The following GCNT2 variants were observed in gnomAD, a reference collection of about 807,000 sequenced individuals.
The protein encoded by GCNT2 is glucosaminyl (N-acetyl) transferase 2 (I blood group).
A neutral mutation model predicts 34.2 loss-of-function variants in GCNT2; 34 were observed. The observed-to-expected ratio is 1.00, with a 90% CI of 0.76 to 1.32. GCNT2 has a LOEUF of 1.32. Among genes scored for constraint, GCNT2 ranks in the 40% most tolerant of loss-of-function variants. GCNT2 has a pLI of 0.00. For missense variants in GCNT2, 584 were observed against 489.4 expected, an observed-to-expected ratio of 1.19 and a Z score of -1.82; for synonymous variants, 212 against 188.0, an observed-to-expected ratio of 1.13 and a Z score of -1.04.
intron 3 of GCNT2, among the ~76,000 whole-genome samples, chr6:10,555,493 G>A (rs898360335): frequency 2.6e-4 from 40 of 152,190 alleles, no homozygotes; most frequent in African/African-American, 8.0e-4. Context: ...CAAATCCCCT[G>A]TCTGAGCATC....
At chr6:10,592,572 T>C (rs1290638532) in intron 3 of GCNT2, among the ~76,000 whole-genome samples, 1 of 152,198 alleles carries the variant, frequency 6.6e-6, no homozygotes, top group Non-Finnish European at 1.5e-5. Flanking sequence ...TAGCCATTTG[T>C]AGAATCATTT....
intron 3 of GCNT2, among the ~76,000 whole-genome samples, chr6:10,572,576 CA>C (rs1027552228): frequency 6.6e-6 from 1 of 151,530 alleles, no homozygotes; most frequent in Non-Finnish European, 1.5e-5. Flanking sequence ...ACTAAAAATA[CA>C]AAAAAAATTA....
intron 3 of GCNT2, among the ~76,000 whole-genome samples, chr6:10,600,489 G>A (rs959076617): frequency 6.6e-6 from 1 of 152,030 alleles, no homozygotes; most frequent in Non-Finnish European, 1.5e-5. Context: ...ATCCACTACC[G>A]CCATCAAGAA....
chr6:10,571,663 AATT>A (rs768448068), intron 3 of GCNT2, among the ~76,000 whole-genome samples: 4 of 152,066 alleles, frequency 2.6e-5, no homozygotes, highest in Non-Finnish European at 4.4e-5. Flanking sequence ...CTATAGTAGA[AATT>A]ATTATCTCTT....
In GCNT2 at chr6:10,529,555, T is replaced by C. The variant is rs564014638; in HGVS notation, c.644T>C (p.Ile215Thr). The C allele has an allele frequency of 2.3e-5, 37 of 1,613,990 alleles. 1 individual carries two copies. Among genetic ancestry groups the C allele is most frequent in the Non-Finnish European group, 3.1e-5 (37 of 1,180,008 alleles). Residue 215 changes from isoleucine (I) to threonine (T), a missense_variant, in exon 3 of 5, where the codon ATC becomes ACC. By Grantham distance (89) the Ile-to-Thr change is moderately conservative (BLOSUM62 -1). Coordinates refer to ENST00000495262, the MANE Select transcript of GCNT2 (RefSeq NM_145649.5). ...CTGAAGGGATTTAAAGGGAAAAATATCACCCCCGGAGTGCTGCCTCCTGAC... is the reference window on the plus strand; with the variant it reads ...CTGAAGGGATTTAAAGGGAAAAATACCACCCCCGGAGTGCTGCCTCCTGAC... ...QYLKGFKGKN[I>T]TPGVLPPDHA...
chr6:10,540,195 C>T (rs1169755830), intron 3 of GCNT2, among the ~76,000 whole-genome samples: 1 of 152,000 alleles, frequency 6.6e-6, no homozygotes, highest in African/African-American at 2.4e-5. Flanking sequence ...GAAGAGGTTC[C>T]CTAGGGTATA....
chr6:10,586,636 C>A, intron 3 of GCNT2: 2 of 1,614,198 alleles, frequency 1.2e-6, no homozygotes, highest in Non-Finnish European at 1.7e-6. Flanking sequence ...AAAAATATCA[C>A]CCCAGGGGTG....
chr6:10,542,178 C>G (rs1442635784), intron 3 of GCNT2, among the ~76,000 whole-genome samples: 3 of 152,158 alleles, frequency 2.0e-5, no homozygotes, highest in Non-Finnish European at 4.4e-5. Context: ...CCGTCCAAGT[C>G]ACTGATAGAA....
At chr6:10,621,694 T>C (rs1766045243) in intron 4 of GCNT2, 2 of 445,968 alleles carry the variant, frequency 4.5e-6, no homozygotes, top group African/African-American at 4.0e-5. Context: ...CATGTTTTTC[T>C]TCCTGCTAGT....
Position 10,608,560 on chromosome 6 carries a change from G to C in GCNT2, c.926-12791G>C, listed in dbSNP as rs553121859. Among the ~76,000 whole-genome samples, 7 of 152,252 alleles carry C rather than the reference G, an allele frequency of 4.6e-5. No homozygotes were observed. In the South Asian group the frequency reaches 1.5e-3, roughly 32 times the overall value. ...AGTATAAAAAGAGGAATTACTAGGTGCAGTGGTACATGTCTGTAATCCTAG... is the reference window on the plus strand; with the variant it reads ...AGTATAAAAAGAGGAATTACTAGGTCCAGTGGTACATGTCTGTAATCCTAG... On this transcript the variant is annotated intron_variant, in intron 3 of 4. Transcript: ENST00000495262.
At chr6:10,608,326 C>T (rs1258142162) in intron 3 of GCNT2, among the ~76,000 whole-genome samples, 1 of 152,110 alleles carries the variant, frequency 6.6e-6, no homozygotes, top group East Asian at 1.9e-4. Context: ...ATCCACCTTG[C>T]CTCAGCCTCA....
intron 3 of GCNT2, among the ~76,000 whole-genome samples, chr6:10,563,961 T>C (rs971153319): frequency 1.3e-5 from 2 of 151,988 alleles, no homozygotes; most frequent in African/African-American, 2.4e-5. Context: ...TTACTGCGAA[T>C]ATTCTGAAGA....
At chr6:10,523,282 C>T (rs1253229230) in intron 1 of GCNT2, among the ~76,000 whole-genome samples, 1 of 151,904 alleles carries the variant, frequency 6.6e-6, no homozygotes, top group Non-Finnish European at 1.5e-5. Context: ...AAAAATTAGC[C>T]GGGTGTGGTG....
At chr6:10,543,660 C>T (rs534741082) in intron 3 of GCNT2, among the ~76,000 whole-genome samples, 2 of 152,118 alleles carry the variant, frequency 1.3e-5, no homozygotes, top group East Asian at 3.9e-4. Flanking sequence ...GAAGTGGTAT[C>T]CTCTTATAGT....
At chr6:10,537,715 A>G (rs1561784240) in intron 3 of GCNT2, among the ~76,000 whole-genome samples, 1 of 146,806 alleles carries the variant, frequency 6.8e-6, no homozygotes, top group African/African-American at 2.5e-5. Context: ...AAAAAAAAAA[A>G]AAAAAAAAAA....
At chr6:10,540,694 G>T (rs1330506053) in intron 3 of GCNT2, among the ~76,000 whole-genome samples, 3 of 152,178 alleles carry the variant, frequency 2.0e-5, no homozygotes, top group Non-Finnish European at 2.9e-5. Context: ...TCGTCTGCAT[G>T]TCTAATAAGA....
intron 3 of GCNT2, among the ~76,000 whole-genome samples, chr6:10,532,744 G>A (rs1761555766): frequency 6.6e-6 from 1 of 152,232 alleles, no homozygotes; most frequent in Middle Eastern, 3.4e-3. Context: ...ACCACATCGG[G>A]CAAGCCCTGC....
In GCNT2 at chr6:10,582,377, T is replaced by TA. The variant is rs1561816522; in HGVS notation, c.926-38974_926-38973insA. Among the ~76,000 whole-genome samples, 153 of 93,146 alleles carry TA rather than the reference T, an allele frequency of 1.6e-3. 4 individuals carry two copies. The highest frequency in any genetic ancestry group is 5.5e-3 in the African/African-American group (133 of 24,164). 61.1% of individuals were successfully genotyped at this position (93,146 alleles called of 152,430 possible). ...ATATTAAATATAATATATACTATAATTTAATATTTATTATATACTATAATA... is the reference window on the plus strand; with the variant it reads ...ATATTAAATATAATATATACTATAATATTAATATTTATTATATACTATAATA... On this transcript the variant is annotated intron_variant, in intron 3 of 4. Coordinates refer to ENST00000495262, the MANE Select transcript of GCNT2 (RefSeq NM_145649.5).
At chr6:10,583,700 AG>A (rs1764219541) in intron 3 of GCNT2, among the ~76,000 whole-genome samples, 1 of 151,990 alleles carries the variant, frequency 6.6e-6, no homozygotes, top group Non-Finnish European at 1.5e-5. Context: ...GAAGTTGGAG[AG>A]GGGGTTGGGT....
Sources: allele counts gnomAD v4.1 joint callset (sites outside exome capture counted in the v4.1 genomes callset), GRCh38; gene constraint gnomAD v4.1.1; transcripts MANE v1.5; gene names NCBI Gene and HGNC (gene_info 2026-07-23, HGNC 2026-07-21).